The following KSR2 variants were observed in gnomAD, a reference collection of about 807,000 sequenced individuals.
KSR2 encodes the protein kinase suppressor of ras 2.
KSR2 carries 25 observed loss-of-function variants against 107.8 expected under a neutral mutation model. That is an observed-to-expected ratio of 0.23 (90% CI 0.17 to 0.32). KSR2 has a LOEUF of 0.32. Among genes scored for constraint, KSR2 ranks in the 10% least tolerant of loss-of-function variants. The probability of loss-of-function intolerance (pLI) is 1.00; values close to 1 mark genes in which losing one functional copy is unlikely to be tolerated. For missense variants in KSR2, 887 were observed against 1,268.9 expected, an observed-to-expected ratio of 0.70 and a Z score of 4.57; for synonymous variants, 480 against 507.0, an observed-to-expected ratio of 0.95 and a Z score of 0.71.
chr12:117,957,775 A>ACACACACG (rs1178670756), intron 1 of KSR2, among the ~76,000 whole-genome samples: 1 of 149,878 alleles, frequency 6.7e-6, no homozygotes, highest in Non-Finnish European at 1.5e-5. Context: ...ACACACACGC[A>ACACACACG]CACCTTTATG....
At chr12:117,498,247 T>A (rs758849619) in intron 14 of KSR2, among the ~76,000 whole-genome samples, 2 of 152,096 alleles carry the variant, frequency 1.3e-5, no homozygotes, top group Non-Finnish European at 2.9e-5. Context: ...CTCTGAACCC[T>A]CATTTGCTCA....
At chr12:117,732,307 G>C (rs1164242123) in intron 4 of KSR2, among the ~76,000 whole-genome samples, 2 of 143,372 alleles carry the variant, frequency 1.4e-5, no homozygotes, top group Non-Finnish European at 3.1e-5. Context: ...TTTTTTTTTT[G>C]AGTCAGCATC....
At chr12:117,613,628 T>C (rs941309525) in intron 5 of KSR2, among the ~76,000 whole-genome samples, 2 of 152,204 alleles carry the variant, frequency 1.3e-5, no homozygotes, top group African/African-American at 4.8e-5. Context: ...GGGGTGAACC[T>C]TGGTCACTGG....
chr12:117,578,164 G>C (rs1294514403), intron 7 of KSR2, among the ~76,000 whole-genome samples: 4 of 152,128 alleles, frequency 2.6e-5, no homozygotes, highest in Non-Finnish European at 4.4e-5. Flanking sequence ...AAAGGAGTTA[G>C]GGATCTGGGT....
At chr12:117,821,787 GAAC>G (rs1356659116) in intron 3 of KSR2, among the ~76,000 whole-genome samples, 1 of 152,170 alleles carries the variant, frequency 6.6e-6, no homozygotes, top group Non-Finnish European at 1.5e-5. Flanking sequence ...ACATAGCGCT[GAAC>G]AAAAGAACAT....
At chr12:117,572,183 C>T (rs539763962) in intron 7 of KSR2, among the ~76,000 whole-genome samples, 2 of 152,326 alleles carry the variant, frequency 1.3e-5, no homozygotes, top group South Asian at 2.1e-4. Flanking sequence ...AGCACCCTGA[C>T]GCTGCTTCGC....
chr12:117,731,563 A>G (rs886291453), intron 4 of KSR2, among the ~76,000 whole-genome samples: 1 of 152,246 alleles, frequency 6.6e-6, no homozygotes, highest in Non-Finnish European at 1.5e-5. Flanking sequence ...AGAACAGGCC[A>G]TGATAACGAT....
intron 4 of KSR2, among the ~76,000 whole-genome samples, chr12:117,675,430 G>C (rs1885076249): frequency 6.6e-6 from 1 of 152,160 alleles, no homozygotes; most frequent in African/African-American, 2.4e-5. Context: ...CCCAAGTAAG[G>C]GCTCTTCAAG....
intron 10 of KSR2, among the ~76,000 whole-genome samples, chr12:117,534,487 G>C (rs1422509704): frequency 1.3e-5 from 2 of 151,950 alleles, no homozygotes; most frequent in African/African-American, 2.4e-5. Flanking sequence ...TAAGAGCAAA[G>C]GCTCTTAGCC....
chr12:117,588,513 T>C (rs1484057903), intron 5 of KSR2, among the ~76,000 whole-genome samples: 1 of 152,206 alleles, frequency 6.6e-6, no homozygotes, highest in Non-Finnish European at 1.5e-5. Flanking sequence ...CTAAGAATAT[T>C]AAATGTGTGT....
At chr12:117,569,478 G>A (rs1878737003) in intron 7 of KSR2, among the ~76,000 whole-genome samples, 1 of 152,192 alleles carries the variant, frequency 6.6e-6, no homozygotes, top group South Asian at 2.1e-4. Context: ...GAAATACACT[G>A]GAAATCTTGT....
In KSR2 at chr12:117,464,958, G is replaced by C. The variant is rs1871076267; in HGVS notation, c.*2241C>G. The C allele has an allele frequency of 6.6e-6, 1 of 152,294 alleles. No homozygotes were observed. The highest frequency in any genetic ancestry group is 2.4e-5 in the African/African-American group (1 of 41,470). The allele number at this position is 152,294 out of a possible 1,614,324, so 9.4% of individuals were successfully genotyped here. On this transcript the variant is annotated 3_prime_UTR_variant, in exon 20 of 20. Transcript: ENST00000339824. Reference sequence around the variant, plus strand: ...ATTTTAGTTAATTCTGGAAACAAGAGAGGCAAGAGTGAGAAGGTGCCAGTT... The same window carrying C: ...ATTTTAGTTAATTCTGGAAACAAGACAGGCAAGAGTGAGAAGGTGCCAGTT...
chr12:117,637,587 G>A (rs1168116315), intron 5 of KSR2, among the ~76,000 whole-genome samples: 1 of 151,210 alleles, frequency 6.6e-6, no homozygotes, highest in East Asian at 1.9e-4. Context: ...AATTAAGAAG[G>A]GCACTTGAAT....
intron 4 of KSR2, among the ~76,000 whole-genome samples, chr12:117,706,862 G>A (rs1565971898): frequency 6.6e-6 from 1 of 152,052 alleles, no homozygotes; most frequent in Non-Finnish European, 1.5e-5. Context: ...ATAAACAGGA[G>A]GGTTACAAGA....
chr12:117,773,776 T>G (rs2136922339), intron 3 of KSR2, among the ~76,000 whole-genome samples: 1 of 152,330 alleles, frequency 6.6e-6, no homozygotes, highest in South Asian at 2.1e-4. Context: ...GAGACAAAAC[T>G]TTTAGACACT....
Position 117,761,306 on chromosome 12 carries a change from C to G in KSR2, c.691G>C (p.Ala231Pro). 1 of 1,524,732 alleles carries G rather than the reference C, an allele frequency of 6.6e-7. No homozygotes were observed. The highest frequency in any genetic ancestry group is 8.8e-7 in the Non-Finnish European group (1 of 1,140,420). 94.5% of individuals were successfully genotyped at this position (1,524,732 alleles called of 1,614,324 possible). A position where few individuals can be genotyped will look rare whatever the true frequency, so the allele number is the denominator to read the frequency against. ...GGGGGCGGGCACAAGCCCGGGTAGG[C>G]GTCCACGGTAAGCCTGTCCACGTGG... ...YTHVDRLTVDAYPGLCPPPPL... is the reference protein window; with the variant it reads ...YTHVDRLTVDPYPGLCPPPPL... The change falls in exon 4 of 20, where the codon GCC (alanine) becomes CCC (proline). Residue 231 changes from alanine (A) to proline (P), a missense_variant. This residue lies in a region of KSR2 where 399 missense variants were observed against 479.5 expected (regional missense o/e 0.83). Transcript: ENST00000339824.
chr12:117,511,210 T>C (rs548289387), intron 14 of KSR2, among the ~76,000 whole-genome samples: 11 of 152,210 alleles, frequency 7.2e-5, no homozygotes, highest in Non-Finnish European at 1.5e-4. Flanking sequence ...CGGCTTCTGT[T>C]TCCTGATGAT....
intron 3 of KSR2, among the ~76,000 whole-genome samples, chr12:117,819,295 C>T (rs567845806): frequency 6.6e-6 from 1 of 152,280 alleles, no homozygotes; most frequent in Non-Finnish European, 1.5e-5. Flanking sequence ...TATCTACACA[C>T]CCAGCAGAGT....
intron 4 of KSR2, among the ~76,000 whole-genome samples, chr12:117,756,215 A>T (rs1286558714): frequency 6.6e-6 from 1 of 152,246 alleles, no homozygotes; most frequent in African/African-American, 2.4e-5. Flanking sequence ...TGTAAATGAA[A>T]CAGTCTTATA....
Sources: gnomAD v4.1 joint callset for allele counts (sites outside exome capture counted in the v4.1 genomes callset) on GRCh38, gnomAD v4.1.1 for gene constraint, gnomAD v4.1.1 regional missense constraint, MANE v1.5 for transcripts, NCBI Gene and HGNC (gene_info 2026-07-23, HGNC 2026-07-21) for gene names.